Variants in FOXN3 observed in about 807,000 individuals in gnomAD.
FOXN3 encodes forkhead box protein N3.
A neutral mutation model predicts 38.4 loss-of-function variants in FOXN3; 7 were observed. The ratio of observed to expected loss-of-function variants is 0.18; its 90% CI spans 0.10 to 0.34. FOXN3 has a LOEUF of 0.34. FOXN3 is among the 10% of genes least tolerant of loss of function. FOXN3 has a pLI of 1.00. For missense variants in FOXN3, 456 were observed against 613.4 expected (o/e 0.74, Z 2.71); for synonymous variants, 230 against 242.2 (o/e 0.95, Z 0.47).
At chr14:89,576,022 C>T (rs923060181) in intron 1 of FOXN3, among the ~76,000 whole-genome samples, 2 of 152,214 alleles carry the variant, frequency 1.3e-5, no homozygotes, top group Non-Finnish European at 2.9e-5. Flanking sequence ...AATTCCATCG[C>T]TGACATCGTA....
chr14:89,314,837 C>T (rs1361453427), intron 3 of FOXN3, among the ~76,000 whole-genome samples: 1 of 152,104 alleles, frequency 6.6e-6, no homozygotes, highest in Non-Finnish European at 1.5e-5. Context: ...TAACCGAGAA[C>T]CTTCAAAAAT....
At chr14:89,520,866 T>C (rs1457272841) in intron 1 of FOXN3, among the ~76,000 whole-genome samples, 1 of 152,132 alleles carries the variant, frequency 6.6e-6, no homozygotes, top group African/African-American at 2.4e-5. Flanking sequence ...CAGACAAAGA[T>C]TTTAAACACC....
chr14:89,238,989 T>C (rs1014381695), intron 4 of FOXN3, among the ~76,000 whole-genome samples: 3 of 152,128 alleles, frequency 2.0e-5, no homozygotes, highest in Admixed American at 6.5e-5. Context: ...ATAGCACACA[T>C]GAACATTTAA....
At chr14:89,209,709 A>G (rs1345157128) in intron 4 of FOXN3, among the ~76,000 whole-genome samples, 1 of 152,236 alleles carries the variant, frequency 6.6e-6, no homozygotes, top group East Asian at 1.9e-4. Context: ...TTTAAAGAAA[A>G]GAATAATTGC....
chr14:89,317,224 A>C (rs1253219297), intron 3 of FOXN3, among the ~76,000 whole-genome samples: 1 of 152,220 alleles, frequency 6.6e-6, no homozygotes, highest in Non-Finnish European at 1.5e-5. Flanking sequence ...TCATAGGATG[A>C]AATCATCTGC....
intron 4 of FOXN3, among the ~76,000 whole-genome samples, chr14:89,260,583 C>T (rs1007896859): frequency 1.3e-5 from 2 of 152,210 alleles, no homozygotes; most frequent in Admixed American, 6.5e-5. Flanking sequence ...GCCTGATGGC[C>T]GACTTGCTAT....
chr14:89,223,220 G>A (rs1254516118), intron 4 of FOXN3: 1 of 152,578 alleles, frequency 6.6e-6, no homozygotes, highest in African/African-American at 2.4e-5. Flanking sequence ...GGAGGCCGAG[G>A]GTGGAAGGGA....
In FOXN3 at chr14:89,296,392, C is replaced by T. The variant is rs559300401; in HGVS notation, c.681-15378G>A. Among the ~76,000 whole-genome samples the T allele has an allele frequency of 2.0e-5, 3 of 152,298 alleles. No individual in the cohort carries two copies. The East Asian group carries it at 5.8e-4, about 29-fold the overall frequency. ...ATTTACTTTTACTGCTTAATGGGCC[C>T]TGATTTAAATGGGCCACTCTATATA... On this transcript the variant is annotated intron_variant, in intron 3 of 5. Coordinates refer to ENST00000557258, the MANE Select transcript of FOXN3 (RefSeq NM_005197.4).
intron 1 of FOXN3, among the ~76,000 whole-genome samples, chr14:89,519,562 A>AG (rs11407586): frequency 0.37 from 55,574 of 151,858 alleles, 10,646 homozygotes; most frequent in African/African-American, 0.48. Flanking sequence ...GATTTGGAGG[A>AG]GAGAGTCTGG....
intron 3 of FOXN3, among the ~76,000 whole-genome samples, chr14:89,315,966 C>G (rs1428413529): frequency 2.0e-5 from 3 of 152,148 alleles, no homozygotes; most frequent in Admixed American, 6.6e-5. Context: ...TTCCCTTCTC[C>G]CAAGATCCTA....
rs541480163 is a variant in FOXN3, at chr14:89,163,809, A to G, written c.852-840T>C. On this transcript the variant is annotated intron_variant, in intron 5 of 5. Coordinates refer to ENST00000557258, the MANE Select transcript of FOXN3 (RefSeq NM_005197.4). The surrounding 1 kb of genome is among the most constrained non-coding windows in gnomAD (Gnocchi z 4.3). ...TCAGTGATGTACTTAAAGTCACACAACTGATCACTTGCGGAGCAGGGACTG... is the reference window on the plus strand; with the variant it reads ...TCAGTGATGTACTTAAAGTCACACAGCTGATCACTTGCGGAGCAGGGACTG... Among the ~76,000 whole-genome samples, 5 of 152,204 alleles carry G rather than the reference A, an allele frequency of 3.3e-5. No homozygotes were observed. Among genetic ancestry groups the G allele is most frequent in the Admixed American group, 6.5e-5 (1 of 15,290 alleles).
intron 2 of FOXN3, among the ~76,000 whole-genome samples, chr14:89,371,632 T>G (rs567893004): frequency 2.6e-5 from 4 of 152,178 alleles, no homozygotes; most frequent in African/African-American, 9.6e-5. Context: ...TCCTCCTGCC[T>G]GCTCCTAGCC....
intron 1 of FOXN3, among the ~76,000 whole-genome samples, chr14:89,508,340 C>T (rs527712747): frequency 6.6e-6 from 1 of 152,270 alleles, no homozygotes; most frequent in African/African-American, 2.4e-5. Context: ...TTCCCTGTCA[C>T]AATATAGACT....
chr14:89,567,033 C>T (rs1445924077), intron 1 of FOXN3, among the ~76,000 whole-genome samples: 1 of 152,176 alleles, frequency 6.6e-6, no homozygotes, highest in Non-Finnish European at 1.5e-5. Flanking sequence ...CTCTAGCCAA[C>T]TGACCCAAGG....
chr14:89,456,345 G>A (rs937493430), intron 1 of FOXN3, among the ~76,000 whole-genome samples: 9 of 152,302 alleles, frequency 5.9e-5, no homozygotes, highest in Middle Eastern at 6.8e-3. Flanking sequence ...GTTGCCTGGT[G>A]TAAACTCCAG....
chr14:89,436,408 A>T (rs1276273307), intron 1 of FOXN3, among the ~76,000 whole-genome samples: 1 of 152,194 alleles, frequency 6.6e-6, no homozygotes, highest in African/African-American at 2.4e-5. Flanking sequence ...TGTGACCTAG[A>T]AAACAAAGTG....
intron 1 of FOXN3, among the ~76,000 whole-genome samples, chr14:89,595,188 G>A (rs1014644859): frequency 5.3e-5 from 8 of 151,800 alleles, no homozygotes; most frequent in Non-Finnish European, 1.0e-4. Context: ...AGCCGGGCAC[G>A]GTGGCAGTCG....
chr14:89,400,395 C>A (rs1422067505), intron 2 of FOXN3, among the ~76,000 whole-genome samples: 2 of 152,176 alleles, frequency 1.3e-5, no homozygotes, highest in Non-Finnish European at 2.9e-5. Context: ...AATGTCTCCA[C>A]AGAGCTTGAA....
chr14:89,525,631 T>TAAAAAAA (rs55848557), intron 1 of FOXN3, among the ~76,000 whole-genome samples: 1 of 123,894 alleles, frequency 8.1e-6, no homozygotes, highest in Non-Finnish European at 1.7e-5. Context: ...TTGTTTTCAC[T>TAAAAAAA]AAAAAAAAAA....
Sources: allele counts gnomAD v4.1 joint callset (sites outside exome capture counted in the v4.1 genomes callset), GRCh38; gene constraint gnomAD v4.1.1; non-coding constraint Gnocchi (gnomAD v3.1); transcripts MANE v1.5; gene names NCBI Gene and HGNC (gene_info 2026-07-23, HGNC 2026-07-21).